Variants in ART3 observed in about 807,000 individuals in gnomAD.
The protein encoded by ART3 is ecto-ADP-ribosyltransferase 3.
Under a neutral mutation model 48.5 loss-of-function variants are expected in ART3, and 49 were observed. That is an observed-to-expected ratio of 1.01 (90% CI 0.80 to 1.28). The LOEUF (loss-of-function observed/expected upper bound fraction) is 1.28. Among genes scored for constraint, ART3 ranks in the 50% most tolerant of loss-of-function variants. The pLI, the probability that ART3 is intolerant of heterozygous loss-of-function variation, is 0.00. For synonymous variants in ART3, 145 were observed against 157.2 expected (o/e 0.92, Z 0.58); for missense variants, 438 against 454.3 (o/e 0.96, Z 0.33).
chr4:76,025,802 A>T (rs867016776), intron 1 of ART3, among the ~76,000 whole-genome samples: 1 of 152,162 alleles, frequency 6.6e-6, no homozygotes, highest in Non-Finnish European at 1.5e-5. Flanking sequence ...TTGTTGATGG[A>T]CACCTTGACT....
intron 2 of ART3, among the ~76,000 whole-genome samples, chr4:76,081,341 A>G (rs1261139852): frequency 6.6e-6 from 1 of 152,214 alleles, no homozygotes; most frequent in Non-Finnish European, 1.5e-5. Context: ...GTGCAAAATC[A>G]TTTCTACCCA....
At chr4:76,098,560 G>T (rs1042255041) in intron 4 of ART3, among the ~76,000 whole-genome samples, 1 of 152,092 alleles carries the variant, frequency 6.6e-6, no homozygotes, top group Non-Finnish European at 1.5e-5. Context: ...TCAGGAGTTT[G>T]AGGCCAGCCT....
At chr4:76,034,572 G>A in intron 1 of ART3, 1 of 580,114 alleles carries the variant, frequency 1.7e-6, no homozygotes, top group Non-Finnish European at 3.0e-6. Context: ...TTTGGGCAGT[G>A]GAATTCTGAT....
chr4:76,061,058 A>C (rs1719166794), intron 1 of ART3, among the ~76,000 whole-genome samples: 1 of 152,218 alleles, frequency 6.6e-6, no homozygotes. Context: ...ATTTTAAGCC[A>C]CTAAGTCATG....
chr4:76,069,489 A>T (rs1335489010), intron 1 of ART3, among the ~76,000 whole-genome samples: 7 of 148,624 alleles, frequency 4.7e-5, no homozygotes. Flanking sequence ...TTCCGGGTTC[A>T]AGCGATTTTC....
intron 1 of ART3, among the ~76,000 whole-genome samples, chr4:76,013,858 A>C (rs894309189): frequency 1.3e-5 from 2 of 152,116 alleles, no homozygotes; most frequent in African/African-American, 4.8e-5. Context: ...TGTTAATTCC[A>C]TTTTCTTTAC....
At chr4:76,048,716 A>G (rs907144185) in intron 1 of ART3, among the ~76,000 whole-genome samples, 5 of 151,966 alleles carry the variant, frequency 3.3e-5, no homozygotes, top group Admixed American at 1.3e-4. Flanking sequence ...GGACTGAGGA[A>G]GGTCGGATTT....
chr4:76,060,709 TAGAG>T (rs1269002070), intron 1 of ART3, among the ~76,000 whole-genome samples: 1 of 152,160 alleles, frequency 6.6e-6, no homozygotes, highest in African/African-American at 2.4e-5. Flanking sequence ...AGCAGTCAGT[TAGAG>T]AGATGCAGTG....
intron 11 of ART3, among the ~76,000 whole-genome samples, chr4:76,108,528 T>C (rs1373884020): frequency 6.6e-6 from 1 of 151,858 alleles, no homozygotes. Context: ...TATCTATCCC[T>C]CTACCTCCAC....
upstream of ART3, among the ~76,000 whole-genome samples, chr4:76,072,857 G>A (rs1349194710): frequency 2.0e-5 from 3 of 152,080 alleles, no homozygotes; most frequent in Non-Finnish European, 4.4e-5. Flanking sequence ...TTTAGTACGT[G>A]CTGTTCACTG....
At chr4:76,038,035 C>A (rs545479348) in intron 1 of ART3, among the ~76,000 whole-genome samples, 15 of 151,692 alleles carry the variant, frequency 9.9e-5, no homozygotes, top group African/African-American at 2.9e-4. Flanking sequence ...ACAGTAGTCC[C>A]CCATTAAATG....
chr4:76,083,575 A>G (rs1722936861), intron 3 of ART3, among the ~76,000 whole-genome samples: 1 of 152,114 alleles, frequency 6.6e-6, no homozygotes, highest in Admixed American at 6.6e-5. Context: ...CTGTTCCACC[A>G]TCCTTACCAT....
intron 1 of ART3, among the ~76,000 whole-genome samples, chr4:76,069,413 ACAGT>A (rs1210744305): frequency 1.2e-5 from 1 of 85,868 alleles, no homozygotes; most frequent in African/African-American, 8.5e-5. Context: ...TTTTTGAGAC[ACAGT>A]CTGTCTCTAT....
chr4:76,020,663 A>G (rs952357684), intron 1 of ART3, among the ~76,000 whole-genome samples: 4 of 152,174 alleles, frequency 2.6e-5, no homozygotes, highest in Non-Finnish European at 4.4e-5. Context: ...TAAAGTTCCT[A>G]TGGGATATTC....
intron 1 of ART3, among the ~76,000 whole-genome samples, chr4:76,042,968 A>G (rs1456319030): frequency 6.6e-6 from 1 of 151,876 alleles, no homozygotes; most frequent in Non-Finnish European, 1.5e-5. Flanking sequence ...TCCCTGAGCT[A>G]GACACAAAGG....
chr4:76,013,626 C>G (rs1298770160), intron 1 of ART3, among the ~76,000 whole-genome samples: 1 of 152,142 alleles, frequency 6.6e-6, no homozygotes, highest in East Asian at 1.9e-4. Flanking sequence ...CAACAGTGAT[C>G]TTACTATTTT....
intron 3 of ART3, among the ~76,000 whole-genome samples, chr4:76,090,154 G>A (rs1724552877): frequency 6.6e-6 from 1 of 152,176 alleles, no homozygotes; most frequent in Non-Finnish European, 1.5e-5. Context: ...AAAAACCACA[G>A]ATCTAATGGC....
chr4:76,101,726 TG>T (rs1471149727), intron 8 of ART3, among the ~76,000 whole-genome samples: 1 of 151,894 alleles, frequency 6.6e-6, no homozygotes, highest in Non-Finnish European at 1.5e-5. Flanking sequence ...CACTCTAGCC[TG>T]GGTGACAGAG....
At chr4:76,076,003 C>CAT in intron 2 of ART3, 45 bp downstream of exon 2, 1 of 1,057,126 alleles carries the variant, frequency 9.5e-7, no homozygotes, top group South Asian at 1.5e-5. Context: ...AATGGAAATT[C>CAT]GTTTTTTTTT....
Sources: allele counts gnomAD v4.1 joint callset (sites outside exome capture counted in the v4.1 genomes callset), GRCh38; gene constraint gnomAD v4.1.1; transcripts MANE v1.5; gene names NCBI Gene and HGNC (gene_info 2026-07-23, HGNC 2026-07-21).